Variants in PTPN12 observed in about 807,000 individuals in gnomAD.
PTPN12 encodes tyrosine-protein phosphatase non-receptor type 12.
Under a neutral mutation model 97.6 loss-of-function variants are expected in PTPN12, and 29 were observed. The ratio of observed to expected loss-of-function variants is 0.30; its 90% confidence interval spans 0.22 to 0.41. The LOEUF is 0.41. Ranked by LOEUF, PTPN12 falls within the 10% of genes least tolerant of loss-of-function variation. The pLI is 1.00. For missense variants in PTPN12, 819 were observed against 926.0 expected (o/e 0.88, Z 1.50); for synonymous variants, 327 against 300.4 (o/e 1.09, Z -0.91).
intron 14 of PTPN12, 83 bp from the exon 15 acceptor site, chr7:77,635,699 G>T: frequency 1.3e-6 from 1 of 774,612 alleles, no homozygotes. Flanking sequence ...AAAATCTTTA[G>T]GATCTGTTTT....
intron 11 of PTPN12, among the ~76,000 whole-genome samples, chr7:77,617,277 C>T (rs1408364255): frequency 6.6e-6 from 1 of 152,150 alleles, no homozygotes; most frequent in Non-Finnish European, 1.5e-5. Flanking sequence ...GGTCACCCTA[C>T]CTATAGCCAG....
At chr7:77,577,202 A>G (rs1474201351) in intron 2 of PTPN12, among the ~76,000 whole-genome samples, 1 of 152,128 alleles carries the variant, frequency 6.6e-6, no homozygotes, top group African/African-American at 2.4e-5. Context: ...TCTCTTCAGT[A>G]CATGTATTAT....
rs1789712237 is a variant in PTPN12 at position 77,639,215 on chromosome 7, G to A, written c.2282-4G>A. On this transcript the variant is annotated splice_polypyrimidine_tract_variant and splice_region_variant and intron_variant, in intron 17 of 17. Transcript: ENST00000248594. Reference sequence around the variant, plus strand: ...GACTAGTTATTGTGGTGTTTTCACTGTAGGTTTTGGTAATCGATGTGGAAA... The same window carrying A: ...GACTAGTTATTGTGGTGTTTTCACTATAGGTTTTGGTAATCGATGTGGAAA... 2.5e-6 allele frequency: 4 copies of A among 1,609,302 alleles called. No individual in the cohort carries two copies. The East Asian group carries it at 8.9e-5, about 36-fold the overall frequency.
At chr7:77,593,221 A>G (rs1030339325) in intron 6 of PTPN12, among the ~76,000 whole-genome samples, 1 of 151,874 alleles carries the variant, frequency 6.6e-6, no homozygotes, top group African/African-American at 2.4e-5. Flanking sequence ...GTGAGCTGAA[A>G]TTGCACCACT....
chr7:77,621,119 T>C (rs929400711), intron 12 of PTPN12, among the ~76,000 whole-genome samples: 2 of 151,936 alleles, frequency 1.3e-5, no homozygotes, highest in African/African-American at 2.4e-5. Flanking sequence ...TATTTATTTA[T>C]TTACTTTTTA....
chr7:77,552,731 G>C (rs953544492), intron 1 of PTPN12, among the ~76,000 whole-genome samples: 3 of 152,168 alleles, frequency 2.0e-5, no homozygotes, highest in Non-Finnish European at 2.9e-5. Flanking sequence ...GAATTTGAGT[G>C]TCTAGCATTA....
At chr7:77,563,156 T>C (rs1011059234) in intron 1 of PTPN12, among the ~76,000 whole-genome samples, 4 of 152,172 alleles carry the variant, frequency 2.6e-5, no homozygotes, top group Non-Finnish European at 5.9e-5. Flanking sequence ...TCGCTAGTAA[T>C]TGATGAAACC....
chr7:77,629,017 T>G (rs1406253861), intron 13 of PTPN12, among the ~76,000 whole-genome samples: 1 of 152,202 alleles, frequency 6.6e-6, no homozygotes, highest in African/African-American at 2.4e-5. Flanking sequence ...TGGCGCAATC[T>G]TGGCTCACTG....
chr7:77,574,575 A>G (rs531909742), intron 2 of PTPN12, among the ~76,000 whole-genome samples: 2 of 152,250 alleles, frequency 1.3e-5, no homozygotes, highest in South Asian at 2.1e-4. Context: ...ATGGGAGTGG[A>G]CAGGCTGCTA....
At chr7:77,611,111 C>CTTT in intron 11 of PTPN12, 65 bp downstream of exon 11, 1 of 1,278,004 alleles carries the variant, frequency 7.8e-7, no homozygotes, top group Non-Finnish European at 1.1e-6. Context: ...AATATTTAGC[C>CTTT]TTTTTTTTGT....
intron 4 of PTPN12, among the ~76,000 whole-genome samples, chr7:77,584,001 AATAT>A (rs1260361336): frequency 6.6e-6 from 1 of 152,232 alleles, no homozygotes; most frequent in Non-Finnish European, 1.5e-5. Flanking sequence ...TTCTCAGGAA[AATAT>A]ATATAAACAC....
At chr7:77,607,117 A>G (rs1788401628) in intron 8 of PTPN12, 118 bp from the exon 9 acceptor site, 3 of 756,972 alleles carry the variant, frequency 4.0e-6, no homozygotes, top group East Asian at 2.9e-5. Flanking sequence ...TACTAAGTAG[A>G]ATTTTGTCAA....
intron 1 of PTPN12, among the ~76,000 whole-genome samples, chr7:77,545,121 T>C (rs981628056): frequency 1.3e-5 from 2 of 152,244 alleles, no homozygotes; most frequent in Non-Finnish European, 2.9e-5. Context: ...TGTCTTAGAG[T>C]ATTAATAAAA....
chr7:77,565,356 A>G lies in PTPN12; in HGVS notation c.100-5722A>G, dbSNP rs1035859540. ...TCAGTGAATATGAAGACAATTAGCTATATTTTTGCTAACAAGATTTGCTGA... is the reference window on the plus strand; with the variant it reads ...TCAGTGAATATGAAGACAATTAGCTGTATTTTTGCTAACAAGATTTGCTGA... On this transcript the variant is annotated intron_variant, in intron 1 of 17. Coordinates refer to ENST00000248594, the MANE Select transcript of PTPN12 (RefSeq NM_002835.4). Among the ~76,000 whole-genome samples the G allele has an allele frequency of 3.9e-5, 6 of 152,238 alleles. No homozygotes were observed. The South Asian group carries it at 1.0e-3, about 26-fold the overall frequency.
At chr7:77,594,794 G>A (rs936083296) in intron 6 of PTPN12, among the ~76,000 whole-genome samples, 14 of 152,006 alleles carry the variant, frequency 9.2e-5, no homozygotes, top group Admixed American at 4.6e-4. Flanking sequence ...CACCACACCC[G>A]GCCAAACATT....
chr7:77,639,185 A>T (rs1789710212), intron 17 of PTPN12, 34 bp from the exon 18 acceptor site: 2 of 1,547,556 alleles, frequency 1.3e-6, no homozygotes, highest in African/African-American at 2.7e-5. Context: ...GTATTTCTGA[A>T]CACTGACTAG....
chr7:77,617,320 G>A (rs1166635034), intron 11 of PTPN12, among the ~76,000 whole-genome samples: 1 of 152,074 alleles, frequency 6.6e-6, no homozygotes, highest in Non-Finnish European at 1.5e-5. Context: ...GATTTTGGTG[G>A]GTGGCTTTAA....
intron 1 of PTPN12, among the ~76,000 whole-genome samples, chr7:77,558,039 C>T (rs1449010110): frequency 6.6e-6 from 1 of 151,614 alleles, no homozygotes; most frequent in African/African-American, 2.4e-5. Flanking sequence ...GGCGAAACCC[C>T]ATCTCTACTA....
intron 13 of PTPN12, among the ~76,000 whole-genome samples, chr7:77,630,531 A>G (rs1789363287): frequency 6.6e-6 from 1 of 152,244 alleles, no homozygotes; most frequent in South Asian, 2.1e-4. Flanking sequence ...CAATTGTAAC[A>G]CAATGGTAAG....
Sources: allele counts gnomAD v4.1 joint callset (sites outside exome capture counted in the v4.1 genomes callset), GRCh38; gene constraint gnomAD v4.1.1; transcripts MANE v1.5; gene names NCBI Gene and HGNC (gene_info 2026-07-23, HGNC 2026-07-21).